The following MPI variants were observed in gnomAD, a reference collection of about 807,000 sequenced individuals.
MPI encodes the protein mannose-6-phosphate isomerase.
MPI carries 33 observed loss-of-function variants against 40.1 expected under a neutral mutation model. That is an observed-to-expected ratio of 0.82 (90% CI 0.62 to 1.10). The LOEUF (loss-of-function observed/expected upper bound fraction) is 1.10. Ranked by LOEUF, MPI falls within the 50% of genes least tolerant of loss-of-function variation. The pLI is 0.00. For missense variants in MPI, 514 were observed against 524.1 expected (o/e 0.98, Z 0.19); for synonymous variants, 187 against 207.4 (o/e 0.90, Z 0.85).
intron 3 of MPI, 117 bp from the exon 4 acceptor site, chr15:74,892,544 A>C: frequency 7.0e-7 from 1 of 1,418,820 alleles, no homozygotes; most frequent in Non-Finnish European, 9.8e-7. Context: ...AGAGGTAGGT[A>C]GTCACTGCCA....
chr15:74,891,959 C>A (rs1315563397), intron 3 of MPI, among the ~76,000 whole-genome samples: 1 of 152,128 alleles, frequency 6.6e-6, no homozygotes, highest in East Asian at 1.9e-4. Flanking sequence ...CCTACACAAG[C>A]CGGAGTCCCA....
At chr15:74,896,430 C>T in intron 6 of MPI, 105 bp downstream of exon 6, 7 of 1,332,050 alleles carry the variant, frequency 5.3e-6, no homozygotes, top group Non-Finnish European at 7.4e-6. Flanking sequence ...CCCCAAGGAC[C>T]TTGCAGCTCT....
At chr15:74,890,392 G>T (rs997856334) in intron 1 of MPI, 135 bp from the exon 2 acceptor site, 3 of 1,157,938 alleles carry the variant, frequency 2.6e-6, no homozygotes, top group Non-Finnish European at 3.8e-6. Flanking sequence ...GCGGAGGGGG[G>T]TCTCATCCAA....
In MPI at chr15:74,890,826, C is replaced by T. The variant is rs894774465; in HGVS notation, c.144+172C>T. ...TTATCAAAAAGAAGAGAGGTTTTGT[C>T]ATAATAGGCTGGGATTTCCAGCACT... On this transcript the variant is annotated intron_variant, in intron 2 of 7. Transcript: ENST00000352410. The T allele has an allele frequency of 3.5e-6, 3 of 863,738 alleles. No homozygotes were observed. In the African/African-American group the frequency reaches 5.0e-5, roughly 14 times the overall value. The allele number at this position is 863,738 out of a possible 1,614,324, so 53.5% of individuals were successfully genotyped here.
At chr15:74,895,290 C>G (rs1349669856) in intron 5 of MPI, 1 of 150,460 alleles carries the variant, frequency 6.6e-6, no homozygotes, top group Non-Finnish European at 1.5e-5. Flanking sequence ...ACAGAACTTT[C>G]AGTGCTAAAA....
chr15:74,893,265 G>T lies in MPI; in HGVS notation c.615G>T (p.Glu205Asp), dbSNP rs2064753355. ...GTTTCTCCCACCTGATGAAGAGTGA[G>T]AAGAAGGTGGTGGTGGAACAGCTCA... ...QSCFSHLMKS[E>D]KKVVVEQLNL... Residue 205 changes from glutamate (E) to aspartate (D), a missense_variant, in exon 5 of 8, where the codon GAG (glutamate) becomes GAT (aspartate). Coordinates refer to ENST00000352410, the MANE Select transcript of MPI (RefSeq NM_002435.3). 1.5e-5 allele frequency: 25 copies of T among 1,614,212 alleles called. No homozygotes were observed. The highest frequency in any genetic ancestry group is 2.0e-5 in the Non-Finnish European group (24 of 1,180,018).
chr15:74,890,128 G>C (rs1567263850), intron 1 of MPI, 39 bp downstream of exon 1: 3 of 1,606,652 alleles, frequency 1.9e-6, no homozygotes, highest in Non-Finnish European at 1.7e-6. Flanking sequence ...TGTGTTCGTG[G>C]AGCGCGTCCT....
Position 74,898,401 on chromosome 15 carries a change from GC to G in MPI, c.*673del, listed in dbSNP as rs2141211145. On this transcript the variant is annotated 3_prime_UTR_variant, in exon 8 of 8. Coordinates refer to ENST00000352410, the MANE Select transcript of MPI (RefSeq NM_002435.3). Reference sequence around the variant, plus strand: ...GGTATGGGAAGGAGTGGGAGAGGAAGCCAGCTTTGGCCTCACAGGCACAGCT... The same window carrying G: ...GGTATGGGAAGGAGTGGGAGAGGAAGCAGCTTTGGCCTCACAGGCACAGCT... 5.9e-6 allele frequency: 1 copy of G among 168,796 alleles called. No individual in the cohort carries two copies. Among genetic ancestry groups the G allele is most frequent in the South Asian group, 1.4e-4 (1 of 7,186 alleles). 10.5% of individuals were successfully genotyped at this position (168,796 alleles called of 1,614,324 possible).
Position 74,897,074 on chromosome 15 carries a change from T to C in MPI, c.908T>C (p.Ile303Thr), listed in dbSNP as rs139866632. Reference sequence around the variant, plus strand: ...CGTGCTGGCCTGACACCCAAGTTCATTGATGTGCCAACCCTGTGTGAAATG... The same window carrying C: ...CGTGCTGGCCTGACACCCAAGTTCACTGATGTGCCAACCCTGTGTGAAATG... ...TVRAGLTPKFIDVPTLCEMLS... is the reference protein window; with the variant it reads ...TVRAGLTPKFTDVPTLCEMLS... The change falls in exon 7 of 8, where the codon ATT (isoleucine) becomes ACT (threonine). Residue 303 changes from isoleucine (I) to threonine (T), a missense_variant. Transcript: ENST00000352410. 261 of 1,614,150 alleles carry C rather than the reference T, an allele frequency of 1.6e-4. No homozygotes were observed. Among genetic ancestry groups the C allele is most frequent in the Middle Eastern group, 1.7e-4 (1 of 6,060 alleles).
chr15:74,896,971 C>T, intron 6 of MPI, 40 bp from the exon 7 acceptor site: 1 of 1,589,114 alleles, frequency 6.3e-7, no homozygotes, highest in East Asian at 2.2e-5. Context: ...AGAGCTAAGG[C>T]ATACTTCATC....
chr15:74,891,152 A>G (rs978315413), intron 2 of MPI: 7 of 627,628 alleles, frequency 1.1e-5, no homozygotes, highest in African/African-American at 1.8e-5. Flanking sequence ...GAAGGGAAAT[A>G]ACTAGTCCAA....
intron 1 of MPI, 95 bp downstream of exon 1, chr15:74,890,184 C>T: frequency 6.5e-7 from 1 of 1,544,866 alleles, no homozygotes; most frequent in Non-Finnish European, 8.8e-7. Flanking sequence ...CCGCTCCTGG[C>T]ATTCCGCGGA....
chr15:74,893,165 G>T lies in MPI; in HGVS notation c.515G>T (p.Gly172Val), dbSNP rs1312022883. 1 of 1,614,118 alleles carries T rather than the reference G, an allele frequency of 6.2e-7. No individual in the cohort carries two copies. ...KKVPEFQFLI[G>V]DEAATHLKQT... ...GTGCCTGAGTTTCAGTTCCTGATTG[G>T]AGATGAGGCAGCAACACACCTGAAG... The change falls in exon 5 of 8, where the codon GGA (glycine) becomes GTA (valine). Residue 172 changes from glycine (G) to valine (V), a missense_variant. By Grantham distance (109) the Gly-to-Val change is moderately radical. Transcript: ENST00000352410.
chr15:74,891,329 G>A (rs556572314), intron 2 of MPI, 50 bp from the exon 3 acceptor site: 79 of 1,570,360 alleles, frequency 5.0e-5, no homozygotes, highest in Non-Finnish European at 4.7e-5. Flanking sequence ...GGCCAACTCA[G>A]GGTGGCAGGT....
At position 74,897,688 on chromosome 15, in the gene MPI, G is replaced by C; in HGVS notation, c.1230G>C (p.Glu410Asp). 1 of 1,614,166 alleles carries C rather than the reference G, an allele frequency of 6.2e-7. No homozygotes were observed. ...AGAGTGTCTCACTGAAGCTTACTGA[G>C]CCGAAGGACCTGCTGATATTCCGTG... The part of the protein sequence containing the change: ...ANESVSLKLT[E>D]PKDLLIFRAC... The change falls in exon 8 of 8, where the codon GAG (glutamate) becomes GAC (aspartate). Residue 410 changes from glutamate to aspartate, a missense_variant. By Grantham distance (45) the Glu-to-Asp change is conservative. Transcript: ENST00000352410.
At chr15:74,896,571 G>A in intron 6 of MPI, 1 of 662,120 alleles carries the variant, frequency 1.5e-6, no homozygotes, top group Non-Finnish European at 2.7e-6. Context: ...AGTCCTGCCA[G>A]TCAGTGTGGG....
At position 74,902,047 on chromosome 15, in the gene MPI, A is replaced by G. The variant is rs1386894018; in HGVS notation, c.*4317A>G. ...AGCAACCTGCTATGATCCCTGTCAT[A>G]GTTAGACAGGTGCAACCTGAAGAGG... On this transcript the variant is annotated 3_prime_UTR_variant, in exon 8 of 8. Transcript: ENST00000352410. 9.0e-5 allele frequency: 36 copies of G among 398,386 alleles called. No individual in the cohort carries two copies. The highest frequency in any genetic ancestry group is 1.4e-4 in the Non-Finnish European group (31 of 226,000). The allele number at this position is 398,386 out of a possible 1,614,324, so 24.7% of individuals were successfully genotyped here.
Position 74,892,802 on chromosome 15 carries a change from AGTAAGTTG to A in MPI, c.487+2_487+9del. Reference sequence around the variant, plus strand: ...TGAGGAGATTGTAACCTTTCTAAAGAGTAAGTTGGGCAGAATGCTGAAGGCATGCGTAC... The same window carrying A: ...TGAGGAGATTGTAACCTTTCTAAAGAGGCAGAATGCTGAAGGCATGCGTAC... On this transcript the variant is annotated splice_donor_variant and splice_donor_5th_base_variant and intron_variant, in intron 4 of 7. Coordinates refer to ENST00000352410, the MANE Select transcript of MPI (RefSeq NM_002435.3). LOFTEE classifies it high-confidence loss of function. The A allele has an allele frequency of 6.2e-7, 1 of 1,614,168 alleles. No individual in the cohort carries two copies. The highest frequency in any genetic ancestry group is 8.5e-7 in the Non-Finnish European group (1 of 1,180,036).
chr15:74,896,996 C>G lies in MPI; in HGVS notation c.845-15C>G. 3 of 1,613,514 alleles carry G rather than the reference C, an allele frequency of 1.9e-6. No homozygotes were observed. Among genetic ancestry groups the G allele is most frequent in the Non-Finnish European group, 2.5e-6 (3 of 1,179,542 alleles). On this transcript the variant is annotated splice_polypyrimidine_tract_variant and intron_variant, in intron 6 of 7. Coordinates refer to ENST00000352410, the MANE Select transcript of MPI (RefSeq NM_002435.3). The stretch of plus-strand genomic sequence containing the variant: ...CATACTTCATCAGCTTAGCACATGA[C>G]GACTGTCTCTCCAGACTGCGTGGAG...
Sources: allele counts gnomAD v4.1 joint callset (sites outside exome capture counted in the v4.1 genomes callset), GRCh38; gene constraint gnomAD v4.1.1; transcripts MANE v1.5; gene names NCBI Gene and HGNC (gene_info 2026-07-23, HGNC 2026-07-21).